Variants in LRIF1 observed in about 807,000 individuals in gnomAD.
LRIF1 encodes ligand dependent nuclear receptor interacting factor 1.
Under a neutral mutation model 52.7 loss-of-function variants are expected in LRIF1, and 32 were observed. The ratio of observed to expected loss-of-function variants is 0.61; its 90% confidence interval spans 0.46 to 0.82. The LOEUF (loss-of-function observed/expected upper bound fraction) is 0.82, where lower values mean the gene tolerates loss of function less well. Among genes scored for constraint, LRIF1 ranks in the 40% least tolerant of loss-of-function variants. LRIF1 has a pLI of 0.00. For synonymous variants in LRIF1, 323 were observed against 317.4 expected (o/e 1.02, Z -0.19); for missense variants, 887 against 892.0 (o/e 0.99, Z 0.07).
intron 1 of LRIF1, among the ~76,000 whole-genome samples, chr1:110,958,651 T>C (rs1658819293): frequency 6.6e-6 from 1 of 152,130 alleles, no homozygotes; most frequent in Non-Finnish European, 1.5e-5. Context: ...TCTTTTCCTC[T>C]ATTTCACCTC....
chr1:110,878,580 G>A, the LRIF1 span, among the ~76,000 whole-genome samples: 1 of 152,162 alleles, frequency 6.6e-6, no homozygotes, highest in East Asian at 1.9e-4. Flanking sequence ...TTTAAAGAAA[G>A]CATGCTTACA....
the LRIF1 span, among the ~76,000 whole-genome samples, chr1:110,910,337 G>A: frequency 0.22 from 32,537 of 150,654 alleles, 3,681 homozygotes; most frequent in Middle Eastern, 0.32. Context: ...AGTGGCTCAC[G>A]CATGTAATCC....
chr1:110,958,240 G>A (rs1658792758), intron 1 of LRIF1, among the ~76,000 whole-genome samples: 1 of 152,084 alleles, frequency 6.6e-6, no homozygotes, highest in South Asian at 2.1e-4. Context: ...TCTGGAATAT[G>A]CCATGTATAT....
At chr1:110,892,328 G>C in the LRIF1 span, 1 of 1,606,532 alleles carries the variant, frequency 6.2e-7, no homozygotes, top group Non-Finnish European at 8.5e-7. Context: ...AGGATGTTGT[G>C]GGATTCTTCC....
At chr1:110,930,987 CA>C in the LRIF1 span, among the ~76,000 whole-genome samples, 8,705 of 151,780 alleles carry the variant, frequency 0.057, 287 homozygotes, top group East Asian at 0.13. Flanking sequence ...GGCAGCATGA[CA>C]TTTTTTTTTT....
At chr1:110,930,270 G>A in the LRIF1 span, among the ~76,000 whole-genome samples, 8 of 152,222 alleles carry the variant, frequency 5.3e-5, no homozygotes, top group Admixed American at 4.6e-4. Context: ...CTCAATTTGG[G>A]TTTATTTGTT....
At chr1:110,910,442 T>C in the LRIF1 span, among the ~76,000 whole-genome samples, 2 of 151,718 alleles carry the variant, frequency 1.3e-5, no homozygotes. Flanking sequence ...CTACTAAAAA[T>C]ACAAAACAAT....
the LRIF1 span, among the ~76,000 whole-genome samples, chr1:110,912,986 A>G: frequency 6.6e-6 from 1 of 152,262 alleles, no homozygotes; most frequent in African/African-American, 2.4e-5. Context: ...ACAGACACAC[A>G]GACTAATGGA....
At chr1:110,927,983 G>A in the LRIF1 span, among the ~76,000 whole-genome samples, 1 of 152,108 alleles carries the variant, frequency 6.6e-6, no homozygotes, top group African/African-American at 2.4e-5. Context: ...TGCATGTGTA[G>A]AAAATCCTTG....
At position 110,951,135 on chromosome 1, in the gene LRIF1, G is replaced by C. The variant is rs935402150; in HGVS notation, c.1596+153C>G. ...TACTCCTCCTCAAATTTGCTCAGAT[G>C]GAAGTTTTGACTTAAATACTCATAT... On this transcript the variant is annotated intron_variant, in intron 2 of 3. Transcript: ENST00000369763. 5.9e-5 allele frequency among the ~76,000 whole-genome samples: 9 copies of C among 152,214 alleles called. No homozygotes were observed. The South Asian group carries it at 1.0e-3, about 18-fold the overall frequency.
chr1:110,881,818 G>A, the LRIF1 span, among the ~76,000 whole-genome samples: 2 of 152,194 alleles, frequency 1.3e-5, no homozygotes, highest in African/African-American at 4.8e-5. Flanking sequence ...GAGATGTGGA[G>A]TGGTATCTTA....
the LRIF1 span, among the ~76,000 whole-genome samples, chr1:110,902,375 C>G: frequency 6.6e-6 from 1 of 151,504 alleles, no homozygotes. Flanking sequence ...TTAGATTTAC[C>G]TTTTAAATGG....
the LRIF1 span, among the ~76,000 whole-genome samples, chr1:110,897,253 G>A: frequency 1.2e-3 from 188 of 152,298 alleles, 4 homozygotes; most frequent in East Asian, 0.028. Context: ...GCTCTGAGAA[G>A]AAGCCACAAC....
At chr1:110,907,865 G>A in the LRIF1 span, among the ~76,000 whole-genome samples, 385 of 152,218 alleles carry the variant, frequency 2.5e-3, 1 homozygote, top group African/African-American at 8.9e-3. Flanking sequence ...GCATACTCTA[G>A]ATGTTAAAAA....
At chr1:110,958,395 C>G (rs1051873630) in intron 1 of LRIF1, among the ~76,000 whole-genome samples, 19 of 152,150 alleles carry the variant, frequency 1.2e-4, no homozygotes, top group African/African-American at 4.3e-4. Context: ...CCCATTGGTG[C>G]TATTAATGTT....
chr1:110,934,101 C>G, the LRIF1 span, among the ~76,000 whole-genome samples: 4,188 of 152,196 alleles, frequency 0.028, 188 homozygotes, highest in African/African-American at 0.096. Context: ...GAGAAGGGAA[C>G]CTGCTGCCTT....
chr1:110,948,527 G>C (rs1221000823), intron 3 of LRIF1, 128 bp from the exon 4 acceptor site: 2 of 1,334,458 alleles, frequency 1.5e-6, no homozygotes, highest in African/African-American at 3.0e-5. Context: ...ATTTATGGAA[G>C]ACAACTACAG....
At chr1:110,932,793 T>A in the LRIF1 span, among the ~76,000 whole-genome samples, 2 of 152,336 alleles carry the variant, frequency 1.3e-5, no homozygotes, top group South Asian at 2.1e-4. Context: ...CATTGGTGAA[T>A]CTTGTCTGCA....
the LRIF1 span, among the ~76,000 whole-genome samples, chr1:110,926,437 A>G: frequency 2.0e-5 from 3 of 151,922 alleles, no homozygotes; most frequent in Non-Finnish European, 4.4e-5. Flanking sequence ...AAATTACACA[A>G]TATATATATT....
Sources: allele counts gnomAD v4.1 joint callset (sites outside exome capture counted in the v4.1 genomes callset), GRCh38; gene constraint gnomAD v4.1.1; transcripts MANE v1.5; gene names NCBI Gene and HGNC (gene_info 2026-07-23, HGNC 2026-07-21).